PARD3B: variants seen among roughly 807,000 people sequenced by gnomAD.
PARD3B encodes the protein par-3 family cell polarity regulator beta.
In PARD3B, 103 loss-of-function variants were observed where a neutral mutation model predicts 130.2. The ratio of observed to expected loss-of-function variants is 0.79; its 90% CI spans 0.67 to 0.93. PARD3B has a LOEUF of 0.93. Ranked by LOEUF, PARD3B falls within the 40% of genes least tolerant of loss-of-function variation. The probability of loss-of-function intolerance (pLI) is 0.00; values close to 1 mark genes in which losing one functional copy is unlikely to be tolerated. For synonymous variants in PARD3B, 583 were observed against 553.2 expected (o/e 1.05, Z -0.76); for missense variants, 1,609 against 1,499.2 (o/e 1.07, Z -1.21).
At chr2:204,771,739 A>G (rs902560698) in intron 2 of PARD3B, among the ~76,000 whole-genome samples, 1 of 152,140 alleles carries the variant, frequency 6.6e-6, no homozygotes, top group Non-Finnish European at 1.5e-5. Flanking sequence ...TTAAAAACAC[A>G]TCCATTCATA....
chr2:205,194,128 T>C (rs1030982912), intron 15 of PARD3B, among the ~76,000 whole-genome samples: 1 of 152,226 alleles, frequency 6.6e-6, no homozygotes, highest in African/African-American at 2.4e-5. Flanking sequence ...TCATGAATGC[T>C]TGGAGGCCAA....
At chr2:205,030,246 A>G (rs1426581074) in intron 3 of PARD3B, among the ~76,000 whole-genome samples, 1 of 152,130 alleles carries the variant, frequency 6.6e-6, no homozygotes, top group East Asian at 1.9e-4. Context: ...CCTGGAACCC[A>G]TAATATCTCA....
chr2:205,468,787 G>A (rs1217727717), intron 20 of PARD3B, among the ~76,000 whole-genome samples: 1 of 152,086 alleles, frequency 6.6e-6, no homozygotes, highest in Admixed American at 6.5e-5. Flanking sequence ...CAGTCATCTG[G>A]ACAAGGCCTC....
intron 2 of PARD3B, among the ~76,000 whole-genome samples, chr2:204,831,481 C>G (rs1365428140): frequency 6.6e-6 from 1 of 152,138 alleles, no homozygotes; most frequent in Non-Finnish European, 1.5e-5. Flanking sequence ...TAAAACTGCT[C>G]TTACTTAAGC....
chr2:205,446,927 A>G lies in PARD3B; in HGVS notation c.3044+6255A>G, dbSNP rs77004690. Among the ~76,000 whole-genome samples, 1,089 of 152,334 alleles carry G rather than the reference A, an allele frequency of 7.1e-3. 14 individuals are homozygous for G. The highest frequency in any genetic ancestry group is 0.025 in the African/African-American group (1,034 of 41,582). On this transcript the variant is annotated intron_variant, in intron 20 of 22. Transcript: ENST00000406610. The surrounding 1 kb of genome is among the most constrained non-coding windows in gnomAD (Gnocchi z 4.4). ...TTCCAAATAGGGGGCTAGAAGGTAT[A>G]TGTGGCACACAGCACAAATGCAGTT...
intron 10 of PARD3B, among the ~76,000 whole-genome samples, chr2:205,137,519 A>G (rs777330745): frequency 3.3e-5 from 5 of 152,226 alleles, no homozygotes; most frequent in African/African-American, 1.2e-4. Context: ...GCCCTCCTTT[A>G]TAAGTTCTAT....
intron 1 of PARD3B, among the ~76,000 whole-genome samples, chr2:204,563,217 GTCTCTCTCTCTCTCTCTCTC>G (rs35536964): frequency 1.7e-4 from 15 of 86,638 alleles, no homozygotes; most frequent in African/African-American, 3.6e-4. Flanking sequence ...TCTTCCCGCT[GTCTCTCTCTCTCTCTCTCTC>G]TCTCTCTCTC....
intron 15 of PARD3B, among the ~76,000 whole-genome samples, chr2:205,206,046 G>T (rs1189025811): frequency 1.3e-5 from 2 of 152,026 alleles, no homozygotes; most frequent in African/African-American, 4.8e-5. Context: ...TGTACCTCTG[G>T]TAGAGTTCGG....
At chr2:204,660,461 T>C (rs2035768384) in intron 1 of PARD3B, among the ~76,000 whole-genome samples, 1 of 152,092 alleles carries the variant, frequency 6.6e-6, no homozygotes, top group South Asian at 2.1e-4. Context: ...AGTTGCGGGG[T>C]GTGGTGGCCT....
At chr2:204,793,650 G>T (rs1446397147) in intron 2 of PARD3B, among the ~76,000 whole-genome samples, 5 of 152,036 alleles carry the variant, frequency 3.3e-5, no homozygotes, top group African/African-American at 9.7e-5. Flanking sequence ...TGGGATTACA[G>T]GTGCCCACCA....
chr2:204,827,584 A>G (rs1447691579), intron 2 of PARD3B, among the ~76,000 whole-genome samples: 1 of 152,226 alleles, frequency 6.6e-6, no homozygotes, highest in Admixed American at 6.5e-5. Context: ...TTAGGATAAC[A>G]AAACTAAATT....
At chr2:205,188,409 C>T (rs2036211687) in intron 14 of PARD3B, among the ~76,000 whole-genome samples, 1 of 152,060 alleles carries the variant, frequency 6.6e-6, no homozygotes, top group Non-Finnish European at 1.5e-5. Context: ...CATTGAAGCG[C>T]TTTGAGCCTG....
intron 21 of PARD3B, among the ~76,000 whole-genome samples, chr2:205,517,539 A>ATC (rs1250747700): frequency 1.3e-5 from 2 of 152,072 alleles, no homozygotes; most frequent in South Asian, 2.1e-4. Flanking sequence ...AACTTCTGGA[A>ATC]TCATTGATCT....
At chr2:205,335,609 C>G (rs1327050294) in intron 18 of PARD3B, among the ~76,000 whole-genome samples, 1 of 151,426 alleles carries the variant, frequency 6.6e-6, no homozygotes, top group Admixed American at 6.6e-5. Context: ...AGTCCATTTT[C>G]ATGCTGCTGA....
rs1254312861 is a variant in PARD3B, at chr2:204,610,451, G to T, written c.120+64332G>T. On this transcript the variant is annotated intron_variant, in intron 1 of 22. Coordinates refer to ENST00000406610, the MANE Select transcript of PARD3B (RefSeq NM_001302769.2). The surrounding 1 kb of genome is among the most constrained non-coding windows in gnomAD (Gnocchi z 4.1). ...GCTTACTGCAACCTCGACCTCCCATGTTAAAGCGATTCTCCTGCGTCAGCC... is the reference window on the plus strand; with the variant it reads ...GCTTACTGCAACCTCGACCTCCCATTTTAAAGCGATTCTCCTGCGTCAGCC... Among the ~76,000 whole-genome samples, 1 of 152,184 alleles carries T rather than the reference G, an allele frequency of 6.6e-6. No homozygotes were observed. The highest frequency in any genetic ancestry group is 1.9e-4 in the East Asian group (1 of 5,190).
At chr2:205,494,388 G>T (rs1335425364) in intron 20 of PARD3B, among the ~76,000 whole-genome samples, 1 of 152,096 alleles carries the variant, frequency 6.6e-6, no homozygotes, top group Admixed American at 6.6e-5. Context: ...CAGCAGTTCT[G>T]TCTGCCTCTC....
At chr2:204,780,717 A>G (rs1171468473) in intron 2 of PARD3B, among the ~76,000 whole-genome samples, 1 of 152,116 alleles carries the variant, frequency 6.6e-6, no homozygotes, top group South Asian at 2.1e-4. Flanking sequence ...AAACAGACGC[A>G]TTTGGGGGCA....
rs973867758 is a variant in PARD3B at position 205,500,859 on chromosome 2, G to T, written c.3180+828G>T. 1.4e-4 allele frequency among the ~76,000 whole-genome samples: 22 copies of T among 152,290 alleles called. 1 individual carries two copies. The highest frequency in any genetic ancestry group is 3.9e-4 in the Admixed American group (6 of 15,288). On this transcript the variant is annotated intron_variant, in intron 21 of 22. Coordinates refer to ENST00000406610, the MANE Select transcript of PARD3B (RefSeq NM_001302769.2). The stretch of plus-strand genomic sequence containing the variant: ...ATAGCAGTGTCCTTGCTGGGGTTCA[G>T]TTCTCACTCACCCTCTAATGATTTC...
chr2:205,326,983 T>C (rs1468380336), intron 18 of PARD3B, among the ~76,000 whole-genome samples: 2 of 152,226 alleles, frequency 1.3e-5, no homozygotes, highest in African/African-American at 4.8e-5. Flanking sequence ...TATTTGCTAC[T>C]TCTGACACCA....
Sources: allele counts gnomAD v4.1 joint callset (sites outside exome capture counted in the v4.1 genomes callset), GRCh38; gene constraint gnomAD v4.1.1; non-coding constraint Gnocchi (gnomAD v3.1); transcripts MANE v1.5; gene names NCBI Gene and HGNC (gene_info 2026-07-23, HGNC 2026-07-21).